The following HIVEP3 variants were observed in gnomAD, a reference collection of about 807,000 sequenced individuals.
HIVEP3 encodes the protein transcription factor HIVEP3.
In HIVEP3, 49 loss-of-function variants were observed where a neutral mutation model predicts 152.8. The observed-to-expected ratio is 0.32, with a 90% confidence interval of 0.26 to 0.41. The LOEUF is 0.41. Among genes scored for constraint, HIVEP3 ranks in the 10% least tolerant of loss-of-function variants. The pLI, the probability that HIVEP3 is intolerant of heterozygous loss-of-function variation, is 1.00. For synonymous variants in HIVEP3, 1,269 were observed against 1,289.0 expected (o/e 0.98, Z 0.33); for missense variants, 2,790 against 3,103.3 (o/e 0.90, Z 2.40).
chr1:41,528,281 T>C lies in HIVEP3; in HGVS notation c.5208-3371A>G, dbSNP rs570109224. On this transcript the variant is annotated intron_variant, in intron 5 of 8. Transcript: ENST00000372583. ...CCCTCCACCCTCACACACCCTCACA[T>C]ACACCCCCACACTCACCCTCACACT... Among the ~76,000 whole-genome samples the C allele has an allele frequency of 4.1e-4, 23 of 55,692 alleles. No individual in the cohort carries two copies. In the East Asian group the frequency reaches 5.9e-3, roughly 14 times the overall value. The allele number at this position is 55,692 out of a possible 152,430, so 36.5% of individuals were successfully genotyped here. A position where few individuals can be genotyped will look rare whatever the true frequency, so the allele number is the denominator to read the frequency against.
chr1:41,579,863 T>G lies in HIVEP3; in HGVS notation c.4935A>C (p.Lys1645Asn). 2 of 1,614,222 alleles carry G rather than the reference T, an allele frequency of 1.2e-6. No homozygotes were observed. The highest frequency in any genetic ancestry group is 1.3e-5 in the African/African-American group (1 of 75,064). Residue 1645 changes from lysine to asparagine, a missense_variant, in exon 4 of 9, where the codon AAA (lysine) becomes AAC (asparagine). Lys to Asn is a moderately conservative substitution (Grantham distance 94, BLOSUM62 0). This residue lies in a region of HIVEP3 where 1,078 missense variants were observed against 1,165.3 expected (regional missense o/e 0.93). Coordinates refer to ENST00000372583, the MANE Select transcript of HIVEP3 (RefSeq NM_024503.5). ...YNPNLPGVST[K>N]AALSLLRSKQ... is the part of the protein sequence containing the mutation. ...TAGACCTCAGGAGGGACAAAGCAGC[T>G]TTAGTGGAAACCCCCGGAAGGTTGG...
At chr1:41,592,083 G>A (rs1268270255) in intron 3 of HIVEP3, among the ~76,000 whole-genome samples, 1 of 152,134 alleles carries the variant, frequency 6.6e-6, no homozygotes, top group Non-Finnish European at 1.5e-5. Flanking sequence ...TGAGAGCCAG[G>A]GGGCTGAGCA....
intron 1 of HIVEP3, among the ~76,000 whole-genome samples, chr1:41,837,260 C>A (rs1226831532): frequency 1.3e-5 from 2 of 152,216 alleles, no homozygotes; most frequent in Non-Finnish European, 2.9e-5. Flanking sequence ...GAAGCCTTCC[C>A]TGAATACTCC....
chr1:41,982,508 T>C (rs996264858), intron 1 of HIVEP3, among the ~76,000 whole-genome samples: 4 of 152,062 alleles, frequency 2.6e-5, no homozygotes, highest in Non-Finnish European at 4.4e-5. Context: ...AAAGAGGAAT[T>C]TATGTAATGC....
intron 1 of HIVEP3, among the ~76,000 whole-genome samples, chr1:41,959,339 C>T (rs1645156998): frequency 6.6e-6 from 1 of 152,176 alleles, no homozygotes; most frequent in Non-Finnish European, 1.5e-5. Flanking sequence ...TTTTTCTTGC[C>T]TGCAGGTCTC....
intron 1 of HIVEP3, among the ~76,000 whole-genome samples, chr1:41,746,301 A>G (rs1440526051): frequency 6.6e-6 from 1 of 152,060 alleles, no homozygotes; most frequent in Admixed American, 6.6e-5. Context: ...CTTTCCATCA[A>G]CCCCGTTTGC....
intron 1 of HIVEP3, among the ~76,000 whole-genome samples, chr1:41,889,105 A>C (rs1190099470): frequency 7.1e-6 from 1 of 141,778 alleles, no homozygotes. Context: ...CTCACACACC[A>C]AACACACACA....
chr1:41,685,137 T>A (rs899973499), intron 2 of HIVEP3, among the ~76,000 whole-genome samples: 14 of 152,334 alleles, frequency 9.2e-5, no homozygotes, highest in African/African-American at 3.4e-4. Context: ...CCCAGCCTTC[T>A]TCTTGGAGGA....
intron 1 of HIVEP3, among the ~76,000 whole-genome samples, chr1:41,790,429 G>A (rs748401477): frequency 1.3e-5 from 2 of 152,112 alleles, no homozygotes; most frequent in African/African-American, 2.4e-5. Flanking sequence ...CAAATAAACC[G>A]CTTTTCTGTA....
At chr1:41,996,169 G>A (rs1645394528) in intron 1 of HIVEP3, among the ~76,000 whole-genome samples, 1 of 151,890 alleles carries the variant, frequency 6.6e-6, no homozygotes, top group Non-Finnish European at 1.5e-5. Context: ...GAGGTGAGAG[G>A]ATCAATTGAG....
chr1:42,020,924 T>C (rs11803429), intron 1 of HIVEP3, among the ~76,000 whole-genome samples: 3,155 of 152,248 alleles, frequency 0.021, 92 homozygotes, highest in African/African-American at 0.071. Context: ...TAGACATGTA[T>C]TTGGCATGTT....
Position 41,510,484 on chromosome 1 carries a change from A to C in HIVEP3, c.7188T>G (p.His2396Gln), listed in dbSNP as rs923071307. ...SGSGEPRAHP[H>Q]QPEDRVPPNA ...TGGGGGGAACCCTGTCCTCAGGCTG[A>C]TGTGGATGTGCCCTGGGCTCCCCAC... The change falls in exon 9 of 9, where the codon CAT (histidine) becomes CAG (glutamine). Residue 2396 changes from histidine (H) to glutamine (Q), a missense_variant. Transcript: ENST00000372583. 9.6e-6 allele frequency: 15 copies of C among 1,567,206 alleles called. No individual in the cohort carries two copies. Among genetic ancestry groups the C allele is most frequent in the Admixed American group, 1.8e-5 (1 of 54,422 alleles).
chr1:41,881,774 T>C (rs1277263695), intron 1 of HIVEP3, among the ~76,000 whole-genome samples: 2 of 152,218 alleles, frequency 1.3e-5, no homozygotes, highest in African/African-American at 2.4e-5. Flanking sequence ...AACATTAAAA[T>C]CTTTTTAAAA....
At chr1:41,996,219 G>A (rs1362380473) in intron 1 of HIVEP3, among the ~76,000 whole-genome samples, 1 of 150,768 alleles carries the variant, frequency 6.6e-6, no homozygotes, top group Non-Finnish European at 1.5e-5. Context: ...ATATCAAGAC[G>A]TTATTTCTAT....
intron 2 of HIVEP3, among the ~76,000 whole-genome samples, chr1:41,654,526 A>T (rs1645601665): frequency 6.6e-6 from 1 of 152,250 alleles, no homozygotes; most frequent in Non-Finnish European, 1.5e-5. Context: ...GATAGAACAG[A>T]GACCCCATAT....
intron 2 of HIVEP3, among the ~76,000 whole-genome samples, chr1:41,682,834 C>T (rs182542795): frequency 4.6e-5 from 7 of 152,244 alleles, no homozygotes; most frequent in African/African-American, 1.7e-4. Context: ...TGGGCTTGGC[C>T]TGGGACTTAG....
intron 1 of HIVEP3, among the ~76,000 whole-genome samples, chr1:41,903,764 G>C (rs771080825): frequency 1.5e-5 from 2 of 136,620 alleles, no homozygotes; most frequent in Non-Finnish European, 3.1e-5. Flanking sequence ...TTTAGACTCA[G>C]AGTACACACA....
intron 1 of HIVEP3, among the ~76,000 whole-genome samples, chr1:41,937,905 T>C (rs1044039249): frequency 6.6e-6 from 1 of 152,072 alleles, no homozygotes; most frequent in Non-Finnish European, 1.5e-5. Context: ...GCCAGCACCT[T>C]AAGAGTAGTG....
intron 1 of HIVEP3, among the ~76,000 whole-genome samples, chr1:41,732,999 G>A (rs939095357): frequency 6.6e-6 from 1 of 152,170 alleles, no homozygotes; most frequent in Non-Finnish European, 1.5e-5. Flanking sequence ...CAATACATGT[G>A]CATGGAATAA....
Sources: allele counts gnomAD v4.1 joint callset (sites outside exome capture counted in the v4.1 genomes callset), GRCh38; gene constraint gnomAD v4.1.1; regional missense constraint gnomAD v4.1.1; transcripts MANE v1.5; gene names NCBI Gene and HGNC (gene_info 2026-07-23, HGNC 2026-07-21).